The following PCDH15 variants were observed in gnomAD, a reference collection of about 807,000 sequenced individuals.
PCDH15 encodes protocadherin-15.
In PCDH15, 129 loss-of-function variants were observed where a neutral mutation model predicts 178.5. That is an observed-to-expected ratio of 0.72 (90% CI 0.63 to 0.84). The LOEUF is 0.84. Ranked by LOEUF, PCDH15 falls within the 40% of genes least tolerant of loss-of-function variation. The pLI is 0.00. For synonymous variants in PCDH15, 800 were observed against 732.0 expected (o/e 1.09, Z -1.50); for missense variants, 2,230 against 2,099.9 (o/e 1.06, Z -1.21).
chr10:53,817,009 C>G (rs1297186280), intron 34 of PCDH15, among the ~76,000 whole-genome samples: 4 of 152,072 alleles, frequency 2.6e-5, no homozygotes, highest in Admixed American at 6.6e-5. Flanking sequence ...GGGTTAGTAA[C>G]TCTTTGGAGG....
intron 3 of PCDH15, among the ~76,000 whole-genome samples, chr10:54,388,214 A>G (rs1047103070): frequency 1.3e-5 from 2 of 152,156 alleles, no homozygotes; most frequent in African/African-American, 4.8e-5. Flanking sequence ...CTCTGTTCAA[A>G]CGTTCATCAG....
intron 3 of PCDH15, among the ~76,000 whole-genome samples, chr10:54,817,273 A>G (rs948914889): frequency 1.4e-4 from 22 of 152,052 alleles, no homozygotes; most frequent in African/African-American, 5.3e-4. Context: ...TAATAATAGC[A>G]GAGCTGTCTT....
chr10:55,091,476 C>A (rs555834031), intron 2 of PCDH15, among the ~76,000 whole-genome samples: 35,821 of 151,578 alleles, frequency 0.24, 4,842 homozygotes, highest in African/African-American at 0.36. Context: ...TGAATTAATC[C>A]TTGTGGGTAA....
At chr10:55,536,996 C>G (rs1841592499) in intron 2 of PCDH15, among the ~76,000 whole-genome samples, 1 of 151,610 alleles carries the variant, frequency 6.6e-6, no homozygotes, top group Non-Finnish European at 1.5e-5. Context: ...TTTTTCTGTC[C>G]TGTCCTTTCA....
intron 15 of PCDH15, among the ~76,000 whole-genome samples, chr10:54,113,867 T>C (rs1394702107): frequency 6.6e-6 from 1 of 152,142 alleles, no homozygotes; most frequent in Non-Finnish European, 1.5e-5. Flanking sequence ...CACATGGCTA[T>C]GGAGGCCTCA....
intron 2 of PCDH15, among the ~76,000 whole-genome samples, chr10:55,402,407 A>G (rs1035109678): frequency 6.6e-6 from 1 of 152,018 alleles, no homozygotes; most frequent in Non-Finnish European, 1.5e-5. Flanking sequence ...TTTGAAACAT[A>G]CAATATGTTG....
At chr10:54,082,735 A>C (rs1459796407) in intron 16 of PCDH15, among the ~76,000 whole-genome samples, 2 of 148,112 alleles carry the variant, frequency 1.4e-5, no homozygotes, top group Admixed American at 1.4e-4. Flanking sequence ...AAAGGAAAAA[A>C]TAGATATACT....
chr10:53,924,019 GGCAGCCCTC>G (rs879576650), intron 25 of PCDH15, among the ~76,000 whole-genome samples: 2 of 152,186 alleles, frequency 1.3e-5, no homozygotes, highest in East Asian at 1.9e-4. Flanking sequence ...ACAGCCTGCT[GGCAGCCCTC>G]GCAGCCCTCG....
chr10:55,403,406 T>C (rs539110969), intron 2 of PCDH15, among the ~76,000 whole-genome samples: 5 of 151,838 alleles, frequency 3.3e-5, no homozygotes, highest in African/African-American at 9.7e-5. Context: ...TTTTTCTTTT[T>C]ATTACCTGTT....
intron 26 of PCDH15, among the ~76,000 whole-genome samples, chr10:53,892,877 A>T (rs2081669324): frequency 6.6e-6 from 1 of 152,194 alleles, no homozygotes; most frequent in South Asian, 2.1e-4. Flanking sequence ...AACAGAATAG[A>T]TTTTTTTGTA....
intron 26 of PCDH15, among the ~76,000 whole-genome samples, chr10:53,887,507 T>C (rs868812351): frequency 7.2e-5 from 11 of 152,234 alleles, no homozygotes; most frequent in African/African-American, 2.4e-4. Flanking sequence ...TATACATTTC[T>C]AAAATTGTGT....
chr10:53,866,697 T>G lies in PCDH15; in HGVS notation c.3662A>C (p.Gln1221Pro). ...CCCATAGTCGTCAGTTGCAATAACT[T>G]GAAACTTGAAGTAGGATCTCCTCAT... ...HNMRRSYFKF[Q>P]VIATDDYGKG... is the part of the protein sequence containing the mutation. The change falls in exon 27 of 38, where the codon CAA becomes CCA. Residue 1221 changes from glutamine (Q) to proline (P), a missense_variant. Physicochemically the swap from Gln to Pro is moderately conservative, Grantham distance 76. Transcript: ENST00000644397. 2 of 1,613,656 alleles carry G rather than the reference T, an allele frequency of 1.2e-6. No individual in the cohort carries two copies. Among genetic ancestry groups the G allele is most frequent in the Non-Finnish European group, 1.7e-6 (2 of 1,179,692 alleles).
At chr10:54,560,427 C>T (rs1232028993) in intron 2 of PCDH15, among the ~76,000 whole-genome samples, 1 of 151,844 alleles carries the variant, frequency 6.6e-6, no homozygotes, top group African/African-American at 2.4e-5. Context: ...AATTATTTTC[C>T]TCTTGACGTA....
chr10:54,237,401 A>T (rs926343642), intron 8 of PCDH15, among the ~76,000 whole-genome samples: 2 of 152,150 alleles, frequency 1.3e-5, no homozygotes, highest in African/African-American at 4.8e-5. Context: ...TAAAAATAAA[A>T]GTCACATTAT....
At chr10:54,152,357 ACTT>A (rs1220149783) in intron 14 of PCDH15, among the ~76,000 whole-genome samples, 40 of 152,196 alleles carry the variant, frequency 2.6e-4, no homozygotes, top group African/African-American at 6.7e-4. Context: ...TCAATAATAG[ACTT>A]CTTCTACAGT....
Position 54,859,666 on chromosome 10 carries a change from T to C in PCDH15, c.-29+37784A>G, listed in dbSNP as rs907689104. ...AGCAGTGTTCTCCATGTACTTTTGA[T>C]ATAAGTGTATCTGTTTTACAAAGAA... On this transcript the variant is annotated intron_variant, in intron 3 of 5. Transcript: ENST00000458638. Among the ~76,000 whole-genome samples the C allele has an allele frequency of 2.6e-5, 4 of 151,960 alleles. No individual in the cohort carries two copies. The South Asian group carries it at 8.3e-4, about 32-fold the overall frequency.
intron 2 of PCDH15, among the ~76,000 whole-genome samples, chr10:55,503,912 A>C (rs1015276313): frequency 6.6e-6 from 1 of 151,464 alleles, no homozygotes; most frequent in African/African-American, 2.4e-5. Flanking sequence ...GTATTTATCC[A>C]AAGAAGCCAA....
chr10:54,291,458 G>A (rs2059397689), intron 8 of PCDH15, among the ~76,000 whole-genome samples: 1 of 152,216 alleles, frequency 6.6e-6, no homozygotes, highest in African/African-American at 2.4e-5. Context: ...CAGAAGGCAA[G>A]AAATAAGTAA....
intron 2 of PCDH15, among the ~76,000 whole-genome samples, chr10:55,458,446 T>C (rs1180982424): frequency 1.3e-5 from 2 of 152,076 alleles, no homozygotes; most frequent in African/African-American, 4.8e-5. Context: ...TTAAAGAATC[T>C]TATGATTCCT....
Sources: gnomAD v4.1 joint callset for allele counts (sites outside exome capture counted in the v4.1 genomes callset) on GRCh38, gnomAD v4.1.1 for gene constraint, MANE v1.5 for transcripts, NCBI Gene and HGNC (gene_info 2026-07-23, HGNC 2026-07-21) for gene names.